SOS2: variants seen among roughly 807,000 people sequenced by gnomAD.
The protein encoded by SOS2 is son of sevenless homolog 2.
Under a neutral mutation model 148.2 loss-of-function variants are expected in SOS2, and 65 were observed. The observed-to-expected ratio is 0.44, with a 90% confidence interval of 0.36 to 0.54. The LOEUF is 0.54. SOS2 is among the 20% of genes least tolerant of loss of function. SOS2 has a pLI of 0.00. For missense variants in SOS2, 1,341 were observed against 1,590.2 expected (o/e 0.84, Z 2.67); for synonymous variants, 539 against 537.1 (o/e 1.00, Z -0.05).
At chr14:50,219,661 A>G (rs949796219) in intron 1 of SOS2, among the ~76,000 whole-genome samples, 1 of 152,174 alleles carries the variant, frequency 6.6e-6, no homozygotes, top group East Asian at 1.9e-4. Flanking sequence ...CAAATTGTAC[A>G]TTGTAAATAT....
chr14:50,123,391 T>TTG, intron 21 of SOS2, among the ~76,000 whole-genome samples: 1 of 149,022 alleles, frequency 6.7e-6, no homozygotes, highest in South Asian at 2.2e-4. Context: ...TTTTTTTTTT[T>TTG]TTTTTTTGAG....
intron 4 of SOS2, among the ~76,000 whole-genome samples, chr14:50,196,381 T>C (rs887274632): frequency 5.9e-5 from 9 of 151,870 alleles, no homozygotes; most frequent in Non-Finnish European, 1.0e-4. Context: ...TAAAATGGAG[T>C]CTCCATCACC....
intron 1 of SOS2, chr14:50,230,988 C>T: frequency 1.2e-6 from 1 of 812,198 alleles, no homozygotes; most frequent in Non-Finnish European, 1.6e-6. Flanking sequence ...ATGATCATAA[C>T]AAAACCTTCC....
At chr14:50,176,288 T>G (rs1273584770) in intron 7 of SOS2, among the ~76,000 whole-genome samples, 1 of 152,200 alleles carries the variant, frequency 6.6e-6, no homozygotes, top group East Asian at 1.9e-4. Context: ...AGAAATAAAT[T>G]TCTATTGTTT....
upstream of SOS2, among the ~76,000 whole-genome samples, chr14:50,231,834 G>C (rs1475865954): frequency 5.9e-5 from 9 of 152,182 alleles, no homozygotes; most frequent in Non-Finnish European, 1.3e-4. Context: ...TCGCTATGGC[G>C]CGCACAGCGC....
At chr14:50,158,738 T>G (rs1195028082) in intron 10 of SOS2, 92 bp from the exon 11 acceptor site, 10 of 784,626 alleles carry the variant, frequency 1.3e-5, no homozygotes, top group Middle Eastern at 4.8e-4. Context: ...CCTCCCTTTT[T>G]CTTTTTACTT....
At chr14:50,158,010 T>C (rs889743482) in intron 11 of SOS2, among the ~76,000 whole-genome samples, 1 of 152,144 alleles carries the variant, frequency 6.6e-6, no homozygotes, top group Non-Finnish European at 1.5e-5. Flanking sequence ...AAAATATTTA[T>C]AGATGAATTA....
rs899837908 is a variant in SOS2, at chr14:50,117,630, T to C, written c.*714A>G. ...GCATATTAACTGTTTTCCATAACAA[T>C]AGGCAATTCATTAGCTAAAGACGTC... is the stretch of plus-strand genomic sequence containing the variant. On this transcript the variant is annotated 3_prime_UTR_variant, in exon 23 of 23. Transcript: ENST00000216373. 4 of 152,162 alleles carry C rather than the reference T, an allele frequency of 2.6e-5. No individual in the cohort carries two copies. Among genetic ancestry groups the C allele is most frequent in the Non-Finnish European group, 5.9e-5 (4 of 68,028 alleles). 9.4% of individuals were successfully genotyped at this position (152,162 alleles called of 1,614,324 possible). A position where few individuals can be genotyped will look rare whatever the true frequency, so the allele number is the denominator to read the frequency against.
At chr14:50,180,543 A>G (rs1235740143) in intron 7 of SOS2, 29 bp downstream of exon 7, 2 of 1,019,178 alleles carry the variant, frequency 2.0e-6, no homozygotes, top group Non-Finnish European at 2.9e-6. Flanking sequence ...TAAAAAAAAA[A>G]AAAAAAAAAA....
intron 1 of SOS2, among the ~76,000 whole-genome samples, chr14:50,219,044 C>G (rs984033514): frequency 6.6e-6 from 1 of 151,142 alleles, no homozygotes; most frequent in Non-Finnish European, 1.5e-5. Flanking sequence ...ACCCGGGAAG[C>G]GGAGGTTGCT....
At chr14:50,194,876 C>T (rs187137375) in intron 4 of SOS2, among the ~76,000 whole-genome samples, 34 of 151,702 alleles carry the variant, frequency 2.2e-4, no homozygotes, top group Admixed American at 9.2e-4. Flanking sequence ...CTGCAACCTC[C>T]GCCTCTCAGA....
chr14:50,170,786 TCGTATCCA>T (rs1251995257), intron 8 of SOS2, among the ~76,000 whole-genome samples: 2 of 147,228 alleles, frequency 1.4e-5, no homozygotes, highest in Non-Finnish European at 3.0e-5. Context: ...AGATACCACC[TCGTATCCA>T]TTAGGATGAC....
At chr14:50,175,211 C>G (rs1885484522) in intron 7 of SOS2, among the ~76,000 whole-genome samples, 1 of 152,128 alleles carries the variant, frequency 6.6e-6, no homozygotes, top group Non-Finnish European at 1.5e-5. Flanking sequence ...CAAGCTTCTC[C>G]TCTTCTTTAT....
chr14:50,180,940 C>T (rs1181765822), intron 6 of SOS2, among the ~76,000 whole-genome samples: 1 of 150,598 alleles, frequency 6.6e-6, no homozygotes, highest in South Asian at 2.1e-4. Context: ...TCTGCAGAAC[C>T]GATATGAAAA....
intron 1 of SOS2, chr14:50,215,304 T>C (rs1356147099): frequency 2.9e-6 from 3 of 1,027,168 alleles, no homozygotes; most frequent in South Asian, 1.5e-5. Flanking sequence ...TCAAAGTTTC[T>C]TATGCCAAAC....
At chr14:50,129,571 G>C (rs74561697) in intron 21 of SOS2, among the ~76,000 whole-genome samples, 29,277 of 151,998 alleles carry the variant, frequency 0.19, 2,976 homozygotes, top group East Asian at 0.44. Context: ...TTTTTTAGTA[G>C]AGACAGAGTT....
At chr14:50,230,086 T>A (rs1359684898) in intron 1 of SOS2, among the ~76,000 whole-genome samples, 1 of 152,328 alleles carries the variant, frequency 6.6e-6, no homozygotes, top group Non-Finnish European at 1.5e-5. Context: ...AGGAAAGCAA[T>A]ACTTCCTTGT....
intron 1 of SOS2, among the ~76,000 whole-genome samples, chr14:50,224,314 T>TACACACACAC (rs71118856): frequency 2.7e-4 from 27 of 101,022 alleles, no homozygotes; most frequent in East Asian, 1.1e-3. Context: ...AATATATATA[T>TACACACACAC]ACACACACAC....
intron 14 of SOS2, among the ~76,000 whole-genome samples, chr14:50,148,665 TATAAC>T (rs970041040): frequency 5.2e-4 from 79 of 152,282 alleles, no homozygotes; most frequent in African/African-American, 1.9e-3. Context: ...TTACTTAAAA[TATAAC>T]ATAACATTTT....
Sources: allele counts gnomAD v4.1 joint callset (sites outside exome capture counted in the v4.1 genomes callset), GRCh38; gene constraint gnomAD v4.1.1; transcripts MANE v1.5; gene names NCBI Gene and HGNC (gene_info 2026-07-23, HGNC 2026-07-21).